The following IFNG-AS1 variants were observed in gnomAD, a reference collection of about 807,000 sequenced individuals.
The protein encoded by IFNG-AS1 is IFNG regulatory antisense RNA 1, also known as IFNG antisense RNA 1 (non-protein coding).
At chr12:68,014,795 GAC>G (rs10618483) in intron 3 of IFNG-AS1, among the ~76,000 whole-genome samples, 141,057 of 151,020 alleles carry the variant, frequency 0.93, 66,310 homozygotes, top group Non-Finnish European at 0.99. Flanking sequence ...CACACACACA[GAC>G]ACACACACAC....
At chr12:68,012,161 G>C (rs1880046456) in intron 3 of IFNG-AS1, among the ~76,000 whole-genome samples, 1 of 152,110 alleles carries the variant, frequency 6.6e-6, no homozygotes, top group African/African-American at 2.4e-5. Flanking sequence ...TTTACAGGTT[G>C]TTTTGTTTTT....
chr12:67,996,053 T>C (rs980340944), exon 2 of IFNG-AS1: 3 of 152,186 alleles, frequency 2.0e-5, no homozygotes, highest in Admixed American at 1.3e-4. Flanking sequence ...GAGATAAGCA[T>C]ATTCCATGAA....
At chr12:68,002,984 A>G (rs957735351) in intron 2 of IFNG-AS1, among the ~76,000 whole-genome samples, 2 of 152,246 alleles carry the variant, frequency 1.3e-5, no homozygotes, top group African/African-American at 4.8e-5. Context: ...TATTCTAGAT[A>G]TAAGGACTAA....
At chr12:68,014,559 T>C (rs944789192) in intron 3 of IFNG-AS1, among the ~76,000 whole-genome samples, 3 of 152,348 alleles carry the variant, frequency 2.0e-5, no homozygotes, top group Middle Eastern at 6.8e-3. Context: ...GTTGAGCATT[T>C]TTTCATATGT....
At chr12:68,005,875 C>G (rs962301676) in intron 2 of IFNG-AS1, among the ~76,000 whole-genome samples, 3 of 152,150 alleles carry the variant, frequency 2.0e-5, no homozygotes, top group Non-Finnish European at 4.4e-5. Context: ...TCATGTTTCT[C>G]TAGTTATTAT....
intron 2 of IFNG-AS1, among the ~76,000 whole-genome samples, chr12:68,000,547 C>A (rs777132196): frequency 1.5e-4 from 23 of 151,984 alleles, no homozygotes; most frequent in Non-Finnish European, 3.1e-4. Flanking sequence ...TGGTGCACAC[C>A]TGTAAGTCCC....
chr12:67,993,665 T>G (rs1416853726), intron 1 of IFNG-AS1, among the ~76,000 whole-genome samples: 3 of 152,204 alleles, frequency 2.0e-5, no homozygotes, highest in African/African-American at 7.2e-5. Context: ...CATATATTAT[T>G]TTTATGACCT....
intron 2 of IFNG-AS1, among the ~76,000 whole-genome samples, chr12:68,003,425 C>CTT (rs755483588): frequency 6.3e-5 from 9 of 142,708 alleles, no homozygotes; most frequent in Middle Eastern, 3.3e-3. Context: ...ATATTCCCCC[C>CTT]TTTTTTTTTT....
chr12:67,995,096 T>C (rs1037809001), intron 1 of IFNG-AS1, among the ~76,000 whole-genome samples: 1 of 152,178 alleles, frequency 6.6e-6, no homozygotes, highest in African/African-American at 2.4e-5. Context: ...TTGCCAGGGT[T>C]GGACCAGGCT....
intron 3 of IFNG-AS1, among the ~76,000 whole-genome samples, chr12:68,010,531 G>A (rs780481115): frequency 1.1e-4 from 16 of 151,980 alleles, no homozygotes; most frequent in Admixed American, 2.0e-4. Context: ...TGTCCTCCCC[G>A]GTAAGCATCT....
chr12:68,002,470 A>T (rs1483404080), intron 2 of IFNG-AS1, among the ~76,000 whole-genome samples: 1 of 152,184 alleles, frequency 6.6e-6, no homozygotes, highest in African/African-American at 2.4e-5. Context: ...GTTCTTCCCC[A>T]CGTAAGCCCC....
intron 2 of IFNG-AS1, among the ~76,000 whole-genome samples, chr12:68,005,479 C>G (rs1212854617): frequency 3.3e-5 from 5 of 152,174 alleles, no homozygotes; most frequent in Non-Finnish European, 7.4e-5. Context: ...TAGGCTCAAA[C>G]AGCAAAAAAA....
intron 3 of IFNG-AS1, among the ~76,000 whole-genome samples, chr12:68,010,458 T>A (rs1166041763): frequency 1.3e-5 from 2 of 152,190 alleles, no homozygotes; most frequent in Non-Finnish European, 2.9e-5. Context: ...GCTTTCTCCA[T>A]CATTTTCCCA....
intron 3 of IFNG-AS1, among the ~76,000 whole-genome samples, chr12:68,011,341 A>T (rs1239296471): frequency 6.6e-6 from 1 of 152,176 alleles, no homozygotes; most frequent in Non-Finnish European, 1.5e-5. Flanking sequence ...ATTTATTACT[A>T]AGAATTTAAA....
At chr12:68,003,263 G>A (rs555367938) in intron 2 of IFNG-AS1, among the ~76,000 whole-genome samples, 4 of 152,008 alleles carry the variant, frequency 2.6e-5, no homozygotes, top group South Asian at 2.1e-4. Flanking sequence ...TGTGTTTAAC[G>A]GGTATATGAA....
intron 3 of IFNG-AS1, among the ~76,000 whole-genome samples, chr12:68,008,185 G>A (rs1164334016): frequency 2.0e-5 from 3 of 152,158 alleles, no homozygotes; most frequent in Non-Finnish European, 2.9e-5. Flanking sequence ...GAGAGGCCGA[G>A]GCAGGCGGAT....
At chr12:67,995,166 G>GT (rs1460891684) in intron 1 of IFNG-AS1, among the ~76,000 whole-genome samples, 1 of 152,024 alleles carries the variant, frequency 6.6e-6, no homozygotes, top group Non-Finnish European at 1.5e-5. Context: ...GCTCACGTCT[G>GT]TAATCCCAGC....
chr12:67,991,522 C>G (rs558170100), intron 1 of IFNG-AS1, among the ~76,000 whole-genome samples: 9 of 152,324 alleles, frequency 5.9e-5, no homozygotes, highest in African/African-American at 1.9e-4. Flanking sequence ...TAGAGAAAAT[C>G]TTGTTTCTTG....
intron 3 of IFNG-AS1, among the ~76,000 whole-genome samples, chr12:68,013,296 T>C (rs1376233773): frequency 6.6e-6 from 1 of 152,162 alleles, no homozygotes; most frequent in Non-Finnish European, 1.5e-5. Context: ...TTGGTGGAGG[T>C]TGGGGCTGCA....
Sources: gnomAD v4.1 joint callset for allele counts (sites outside exome capture counted in the v4.1 genomes callset) on GRCh38, gnomAD v4.1.1 for gene constraint, MANE v1.5 for transcripts, NCBI Gene and HGNC (gene_info 2026-07-23, HGNC 2026-07-21) for gene names.